Variants in PLXNA2 observed in about 807,000 individuals in gnomAD.
PLXNA2 encodes plexin A2, also known as plexin-A2.
In PLXNA2, 91 loss-of-function variants were observed where a neutral mutation model predicts 193.5. The ratio of observed to expected loss-of-function variants is 0.47; its 90% confidence interval spans 0.40 to 0.56. The LOEUF (loss-of-function observed/expected upper bound fraction) is 0.56, where lower values mean the gene tolerates loss of function less well. PLXNA2 is among the 20% of genes least tolerant of loss of function. The pLI, the probability that PLXNA2 is intolerant of heterozygous loss-of-function variation, is 0.00. For missense variants in PLXNA2, 1,995 were observed against 2,503.2 expected (o/e 0.80, Z 4.33); for synonymous variants, 997 against 1,027.3 (o/e 0.97, Z 0.56).
In PLXNA2 at chr1:208,043,492, G is replaced by A. The variant is rs552315498; in HGVS notation, c.3875-289C>T. Among the ~76,000 whole-genome samples, 31 of 152,288 alleles carry A rather than the reference G, an allele frequency of 2.0e-4. No individual in the cohort carries two copies. The East Asian group carries it at 4.4e-3, about 22-fold the overall frequency. On this transcript the variant is annotated intron_variant, in intron 20 of 31. Coordinates refer to ENST00000367033, the MANE Select transcript of PLXNA2 (RefSeq NM_025179.4). Reference sequence around the variant, plus strand: ...GAAAAAAAAGTATCATGATTGGGCCGTTTAGTAAAGATCACGGAGATGCTG... The same window carrying A: ...GAAAAAAAAGTATCATGATTGGGCCATTTAGTAAAGATCACGGAGATGCTG...
At chr1:208,204,882 C>T (rs1670667960) in intron 3 of PLXNA2, among the ~76,000 whole-genome samples, 1 of 152,140 alleles carries the variant, frequency 6.6e-6, no homozygotes, top group Non-Finnish European at 1.5e-5. Context: ...AATGCTTGAG[C>T]AGCAGAAGAG....
intron 1 of PLXNA2, among the ~76,000 whole-genome samples, chr1:208,222,910 C>G (rs1384486786): frequency 1.3e-5 from 2 of 152,142 alleles, no homozygotes; most frequent in African/African-American, 4.8e-5. Flanking sequence ...ACCCTGTCAT[C>G]AACATCATCG....
rs563305569 is a variant in PLXNA2 at position 208,127,633 on chromosome 1, C to T, written c.1506+14696G>A. Reference sequence around the variant, plus strand: ...TAGCTGCTGGCCATGGCCAGCCAGCCGGGCTGGGAGCTGATGTAGGGAGTA... The same window carrying T: ...TAGCTGCTGGCCATGGCCAGCCAGCTGGGCTGGGAGCTGATGTAGGGAGTA... On this transcript the variant is annotated intron_variant, in intron 4 of 31. Coordinates refer to ENST00000367033, the MANE Select transcript of PLXNA2 (RefSeq NM_025179.4). 3.3e-5 allele frequency among the ~76,000 whole-genome samples: 5 copies of T among 152,246 alleles called. No individual in the cohort carries two copies. The East Asian group carries it at 5.8e-4, about 18-fold the overall frequency.
intron 4 of PLXNA2, among the ~76,000 whole-genome samples, chr1:208,138,611 G>A (rs535948625): frequency 2.6e-5 from 4 of 152,378 alleles, no homozygotes; most frequent in Admixed American, 6.5e-5. Context: ...CTGACCGGGC[G>A]CAGTGGCGCA....
intron 1 of PLXNA2, among the ~76,000 whole-genome samples, chr1:208,226,880 C>T (rs1489836455): frequency 6.6e-6 from 1 of 152,246 alleles, no homozygotes; most frequent in African/African-American, 2.4e-5. Context: ...GGCCACCTCC[C>T]CGCTGGGTCA....
intron 5 of PLXNA2, among the ~76,000 whole-genome samples, chr1:208,100,202 C>A (rs1365927729): frequency 6.6e-6 from 1 of 151,882 alleles, no homozygotes; most frequent in Non-Finnish European, 1.5e-5. Flanking sequence ...TAGTGGGACC[C>A]CATTCTAAAA....
rs748836315 is a variant in PLXNA2, at chr1:208,026,330, T to A, written c.*913A>T. 2.1e-4 allele frequency: 32 copies of A among 152,272 alleles called. No homozygotes were observed. Among genetic ancestry groups the A allele is most frequent in the South Asian group, 6.2e-4 (3 of 4,818 alleles). The allele number at this position is 152,272 out of a possible 1,614,324, so 9.4% of individuals were successfully genotyped here. A position where few individuals can be genotyped will look rare whatever the true frequency, so the allele number is the denominator to read the frequency against. On this transcript the variant is annotated 3_prime_UTR_variant, in exon 32 of 32. Transcript: ENST00000367033. ...CTTCTCATAGTAACTTTAGGGAAATTGAAAGGAAACATATCAAAGACCAGC... is the reference window on the plus strand; with the variant it reads ...CTTCTCATAGTAACTTTAGGGAAATAGAAAGGAAACATATCAAAGACCAGC...
chr1:208,030,807 C>A, intron 29 of PLXNA2: 1 of 985,430 alleles, frequency 1.0e-6, no homozygotes, highest in Non-Finnish European at 1.2e-6. Context: ...CCAAAGGAAG[C>A]CTTTTGATGC....
At chr1:208,094,434 G>A (rs1208502321) in intron 8 of PLXNA2, among the ~76,000 whole-genome samples, 2 of 152,012 alleles carry the variant, frequency 1.3e-5, no homozygotes, top group Non-Finnish European at 2.9e-5. Flanking sequence ...AAGGAGACCT[G>A]CTTTTTTTTT....
At chr1:208,059,318 C>G (rs760180377) in intron 13 of PLXNA2, among the ~76,000 whole-genome samples, 14 of 152,250 alleles carry the variant, frequency 9.2e-5, no homozygotes, top group Admixed American at 2.0e-4. Context: ...CCCAGCCAGC[C>G]TTTCCTCCAG....
chr1:208,097,726 G>T (rs192185981), intron 6 of PLXNA2, among the ~76,000 whole-genome samples: 30 of 152,066 alleles, frequency 2.0e-4, no homozygotes, highest in Admixed American at 1.9e-3. Flanking sequence ...CCACAATACA[G>T]CATCTAAGTG....
chr1:208,035,142 G>C (rs941799557), intron 26 of PLXNA2, among the ~76,000 whole-genome samples: 1 of 151,576 alleles, frequency 6.6e-6, no homozygotes, highest in Non-Finnish European at 1.5e-5. Context: ...CATCCACTTG[G>C]CGAGCTATGC....
chr1:208,083,508 G>A (rs988109168), intron 10 of PLXNA2, among the ~76,000 whole-genome samples: 2 of 151,614 alleles, frequency 1.3e-5, no homozygotes, highest in Non-Finnish European at 2.9e-5. Context: ...TTCCCCTTGC[G>A]CTTGGCGGCC....
At chr1:208,122,109 G>A (rs964895501) in intron 4 of PLXNA2, among the ~76,000 whole-genome samples, 9 of 152,192 alleles carry the variant, frequency 5.9e-5, no homozygotes, top group African/African-American at 2.2e-4. Flanking sequence ...AGTTAAAAAT[G>A]ACAAACAGAC....
At chr1:208,178,882 T>A (rs1191819057) in intron 3 of PLXNA2, among the ~76,000 whole-genome samples, 1 of 152,234 alleles carries the variant, frequency 6.6e-6, no homozygotes, top group Non-Finnish European at 1.5e-5. Context: ...TGATCTGTAT[T>A]TTAATAAGCT....
intron 6 of PLXNA2, among the ~76,000 whole-genome samples, chr1:208,098,269 CA>C (rs1265022730): frequency 2.0e-5 from 3 of 152,146 alleles, no homozygotes; most frequent in Non-Finnish European, 4.4e-5. Flanking sequence ...CGTGAATGCT[CA>C]TAAAACCTTC....
chr1:208,033,274 G>T (rs1267116156), intron 28 of PLXNA2, 45 bp downstream of exon 28: 4 of 1,534,554 alleles, frequency 2.6e-6, no homozygotes, highest in East Asian at 4.5e-5. Flanking sequence ...GGCAGGATGT[G>T]CTCCTTTAAC....
intron 9 of PLXNA2, among the ~76,000 whole-genome samples, chr1:208,085,491 C>T (rs533822559): frequency 1.3e-5 from 2 of 152,330 alleles, no homozygotes; most frequent in East Asian, 3.9e-4. Context: ...TGCTACAGGG[C>T]CTGCAGAGGG....
chr1:208,074,279 G>A (rs1023432642), intron 12 of PLXNA2, among the ~76,000 whole-genome samples: 6 of 152,158 alleles, frequency 3.9e-5, no homozygotes, highest in African/African-American at 7.2e-5. Context: ...CTGGGGGAAC[G>A]GAAACGTGGC....
Sources: gnomAD v4.1 joint callset for allele counts (sites outside exome capture counted in the v4.1 genomes callset) on GRCh38, gnomAD v4.1.1 for gene constraint, MANE v1.5 for transcripts, NCBI Gene and HGNC (gene_info 2026-07-23, HGNC 2026-07-21) for gene names.